MPP7: variants seen among roughly 807,000 people sequenced by gnomAD.
MPP7 encodes the protein MAGUK p55 scaffold protein 7.
Under a neutral mutation model 76.5 loss-of-function variants are expected in MPP7, and 60 were observed. The ratio of observed to expected loss-of-function variants is 0.78; its 90% confidence interval spans 0.64 to 0.97. The LOEUF (loss-of-function observed/expected upper bound fraction) is 0.97, where lower values mean the gene tolerates loss of function less well. MPP7 is among the 50% of genes least tolerant of loss of function. The pLI is 0.00. For synonymous variants in MPP7, 237 were observed against 244.5 expected (o/e 0.97, Z 0.29); for missense variants, 641 against 694.0 (o/e 0.92, Z 0.86).
At chr10:28,202,802 A>G (rs1032105232) in intron 2 of MPP7, 1 of 152,084 alleles carries the variant, frequency 6.6e-6, no homozygotes, top group Non-Finnish European at 1.5e-5. Context: ...GAAATCATAA[A>G]TGGTTCTACA....
chr10:28,222,430 G>C (rs1838541572), intron 2 of MPP7, among the ~76,000 whole-genome samples: 1 of 152,026 alleles, frequency 6.6e-6, no homozygotes, highest in African/African-American at 2.4e-5. Context: ...GCTGCAGTGA[G>C]CCCTGATTGC....
At chr10:28,313,821 G>A (rs1052357826) in intron 2 of MPP7, among the ~76,000 whole-genome samples, 4 of 150,186 alleles carry the variant, frequency 2.7e-5, no homozygotes, top group African/African-American at 4.9e-5. Context: ...AAAGTAGCTA[G>A]GACTGCAGGT....
chr10:28,231,139 A>T (rs1159038226), intron 2 of MPP7, among the ~76,000 whole-genome samples: 3 of 151,964 alleles, frequency 2.0e-5, no homozygotes, highest in African/African-American at 7.2e-5. Context: ...CAGCTTTCTG[A>T]CCACAAAGCA....
rs1839224549 is a variant in MPP7 at position 28,240,320 on chromosome 10, A to T, written c.-131-1585T>A. Among the ~76,000 whole-genome samples, 5 of 152,182 alleles carry T rather than the reference A, an allele frequency of 3.3e-5. No individual in the cohort carries two copies. The South Asian group carries it at 1.0e-3, about 31-fold the overall frequency. ...GATTCAAATTGCAGAATAAAGAGAAATGAACTTGCCAAATTTTACTTTAAA... is the reference window on the plus strand; with the variant it reads ...GATTCAAATTGCAGAATAAAGAGAATTGAACTTGCCAAATTTTACTTTAAA... On this transcript the variant is annotated intron_variant, in intron 1 of 16. Coordinates refer to ENST00000683449, the MANE Select transcript of MPP7 (RefSeq NM_001318170.2).
intron 2 of MPP7, among the ~76,000 whole-genome samples, chr10:28,233,717 CAAAAA>C (rs752333257): frequency 1.4e-5 from 1 of 73,370 alleles, no homozygotes. Flanking sequence ...GACTCCGTCT[CAAAAA>C]AAAAAAAAAA....
At chr10:28,168,294 G>T (rs16928566) in intron 3 of MPP7, among the ~76,000 whole-genome samples, 2 of 151,808 alleles carry the variant, frequency 1.3e-5, no homozygotes, top group African/African-American at 4.8e-5. Context: ...TTTTCTACCC[G>T]TTTTCTCTTA....
upstream of MPP7, among the ~76,000 whole-genome samples, chr10:28,306,712 A>G (rs1044716507): frequency 2.0e-5 from 3 of 149,562 alleles, no homozygotes; most frequent in South Asian, 2.1e-4. Context: ...GTTGATAGAT[A>G]GATGATAGAT....
intron 1 of MPP7, among the ~76,000 whole-genome samples, chr10:28,290,514 G>A (rs1003977779): frequency 4.0e-5 from 6 of 151,702 alleles, no homozygotes; most frequent in Admixed American, 2.6e-4. Context: ...CTTTTGTTGC[G>A]CAGGCTGGAG....
rs1841302020 is a variant in MPP7 at position 28,313,622 on chromosome 10, TC to T, written c.-132+16306del. On this transcript the variant is annotated intron_variant, in intron 2 of 11. Transcript: ENST00000441595. ...GAAGAATTGACTAAAGAGGTTAATATCCCCGCAGAGAAGAACGATTTATGAA... is the reference window on the plus strand; with the variant it reads ...GAAGAATTGACTAAAGAGGTTAATATCCCGCAGAGAAGAACGATTTATGAA... Among the ~76,000 whole-genome samples the T allele has an allele frequency of 2.0e-5, 3 of 152,076 alleles. No individual in the cohort carries two copies. In the South Asian group the frequency reaches 6.2e-4, roughly 32 times the overall value.
At chr10:28,212,490 T>G (rs923324386) in intron 2 of MPP7, among the ~76,000 whole-genome samples, 4 of 152,120 alleles carry the variant, frequency 2.6e-5, no homozygotes. Context: ...CAGTGGGCAG[T>G]TGAATATGGG....
chr10:28,161,432 A>G (rs1836260300), intron 3 of MPP7, among the ~76,000 whole-genome samples: 2 of 137,798 alleles, frequency 1.5e-5, no homozygotes, highest in African/African-American at 2.7e-5. Flanking sequence ...TTTTCTTCCT[A>G]TGAAAAACAT....
At chr10:28,320,209 G>A (rs1288144118) in intron 2 of MPP7, among the ~76,000 whole-genome samples, 2 of 152,126 alleles carry the variant, frequency 1.3e-5, no homozygotes, top group African/African-American at 4.8e-5. Flanking sequence ...GTACCCTGGA[G>A]GAGAGCATTC....
chr10:28,157,631 C>T (rs897562888), intron 3 of MPP7, among the ~76,000 whole-genome samples: 1 of 152,214 alleles, frequency 6.6e-6, no homozygotes, highest in African/African-American at 2.4e-5. Flanking sequence ...ATGCCCTGGA[C>T]CCTGCAGACT....
intron 3 of MPP7, among the ~76,000 whole-genome samples, chr10:28,174,407 G>A (rs1049547832): frequency 5.9e-5 from 9 of 152,090 alleles, no homozygotes; most frequent in African/African-American, 2.2e-4. Flanking sequence ...TTAATGAAAG[G>A]AGCCTGACAC....
At chr10:28,096,432 C>T (rs2133486630) in intron 11 of MPP7, among the ~76,000 whole-genome samples, 1 of 152,224 alleles carries the variant, frequency 6.6e-6, no homozygotes, top group South Asian at 2.1e-4. Context: ...TTATTACTCA[C>T]TTGCATTTCT....
intron 11 of MPP7, among the ~76,000 whole-genome samples, chr10:28,104,636 C>T (rs1853985777): frequency 6.6e-6 from 1 of 152,170 alleles, no homozygotes; most frequent in Admixed American, 6.5e-5. Context: ...TACAAAAGAA[C>T]TAACGTCAAA....
At chr10:28,206,289 T>C (rs1837947666) in intron 2 of MPP7, among the ~76,000 whole-genome samples, 1 of 152,202 alleles carries the variant, frequency 6.6e-6, no homozygotes, top group African/African-American at 2.4e-5. Context: ...ACACAGAATA[T>C]GCCCCAACAT....
intron 2 of MPP7, among the ~76,000 whole-genome samples, chr10:28,229,630 C>T (rs533876560): frequency 6.6e-6 from 1 of 152,160 alleles, no homozygotes; most frequent in South Asian, 2.1e-4. Context: ...TGGCTCATGC[C>T]TGTAATCCCA....
intron 11 of MPP7, among the ~76,000 whole-genome samples, chr10:28,100,140 T>C (rs1385258111): frequency 4.1e-5 from 6 of 146,910 alleles, no homozygotes; most frequent in Admixed American, 4.1e-4. Context: ...AAAAAACACG[T>C]AGACATTAAT....
Sources: gnomAD v4.1 joint callset for allele counts (sites outside exome capture counted in the v4.1 genomes callset) on GRCh38, gnomAD v4.1.1 for gene constraint, MANE v1.5 for transcripts, NCBI Gene and HGNC (gene_info 2026-07-23, HGNC 2026-07-21) for gene names.